NRXN3: variants seen among roughly 807,000 people sequenced by gnomAD.
The protein encoded by NRXN3 is neurexin III.
A neutral mutation model predicts 137.6 loss-of-function variants in NRXN3; 32 were observed. The ratio of observed to expected loss-of-function variants is 0.23; its 90% CI spans 0.18 to 0.31. The LOEUF (loss-of-function observed/expected upper bound fraction) is 0.31. NRXN3 is among the 10% of genes least tolerant of loss of function. The probability of loss-of-function intolerance (pLI) is 1.00; values close to 1 mark genes in which losing one functional copy is unlikely to be tolerated. For synonymous variants in NRXN3, 798 were observed against 784.5 expected, an observed-to-expected ratio of 1.02 and a Z score of -0.29; for missense variants, 1,574 against 2,062.5, an observed-to-expected ratio of 0.76 and a Z score of 4.59.
In NRXN3 at chr14:79,167,068, G is replaced by T. The variant is rs528892576; in HGVS notation, c.3262+178927G>T. ...TGCTGAAATTACTTTTTCAGCACTA[G>T]ATTATTACATTTTTATGACAATTTG... On this transcript the variant is annotated intron_variant, in intron 15 of 20. Coordinates refer to ENST00000335750, the MANE Select transcript of NRXN3 (RefSeq NM_001330195.2). Among the ~76,000 whole-genome samples, 28 of 152,014 alleles carry T rather than the reference G, an allele frequency of 1.8e-4. No homozygotes were observed. In the South Asian group the frequency reaches 3.1e-3, roughly 17 times the overall value.
At chr14:79,162,129 C>G (rs139286592) in intron 15 of NRXN3, among the ~76,000 whole-genome samples, 4,280 of 147,582 alleles carry the variant, frequency 0.029, 138 homozygotes, top group East Asian at 0.14. Flanking sequence ...TTGTGGTTAG[C>G]TTTTCTTTTT....
rs74064323 is a variant in NRXN3, at chr14:78,616,039, C to T, written c.758-29081C>T. ...CTACTGTCACTATCCAAGTCCGTGC[C>T]GCCATCACTCATCACCTGCATAACT... On this transcript the variant is annotated intron_variant, in intron 4 of 20. Coordinates refer to ENST00000335750, the MANE Select transcript of NRXN3 (RefSeq NM_001330195.2). 4.6e-3 allele frequency among the ~76,000 whole-genome samples: 697 copies of T among 152,280 alleles called. 3 individuals carry two copies. Among genetic ancestry groups the T allele is most frequent in the African/African-American group, 0.016 (650 of 41,560 alleles).
At chr14:79,487,648 A>G (rs533487928) in intron 16 of NRXN3, among the ~76,000 whole-genome samples, 79 of 146,232 alleles carry the variant, frequency 5.4e-4, no homozygotes, top group African/African-American at 2.0e-3. Flanking sequence ...GGATAATGGC[A>G]GCTGCAGGGT....
chr14:79,498,167 G>A (rs954027823), intron 16 of NRXN3, among the ~76,000 whole-genome samples: 2 of 152,070 alleles, frequency 1.3e-5, no homozygotes, highest in Non-Finnish European at 2.9e-5. Flanking sequence ...ATGAGCATGC[G>A]TTCTATGAGA....
chr14:79,604,216 G>T (rs895636433), intron 16 of NRXN3, among the ~76,000 whole-genome samples: 2 of 151,302 alleles, frequency 1.3e-5, no homozygotes, highest in African/African-American at 4.8e-5. Flanking sequence ...TCTAATTGGG[G>T]TTTTTCTTTG....
In NRXN3 at chr14:79,259,595, A is replaced by G. The variant is rs563000390; in HGVS notation, c.3263-207626A>G. On this transcript the variant is annotated intron_variant, in intron 15 of 20. Transcript: ENST00000335750. ...TCTATATATAGCTATATATAGAGTTATATATATATAGCTATATATATGGTT... is the reference window on the plus strand; with the variant it reads ...TCTATATATAGCTATATATAGAGTTGTATATATATAGCTATATATATGGTT... Among the ~76,000 whole-genome samples, 111 of 147,698 alleles carry G rather than the reference A, an allele frequency of 7.5e-4. 2 individuals are homozygous for G. The highest frequency in any genetic ancestry group is 1.3e-3 in the Non-Finnish European group (89 of 67,154).
intron 15 of NRXN3, among the ~76,000 whole-genome samples, chr14:79,253,232 A>C (rs2076161152): frequency 6.6e-6 from 1 of 152,192 alleles, no homozygotes; most frequent in Admixed American, 6.5e-5. Flanking sequence ...TCTGTGGGAA[A>C]GGGCTCTGAA....
intron 4 of NRXN3, among the ~76,000 whole-genome samples, chr14:78,360,060 T>C (rs2084896353): frequency 6.6e-6 from 1 of 152,164 alleles, no homozygotes; most frequent in Admixed American, 6.5e-5. Flanking sequence ...CTCCATGTCG[T>C]CATAACCATT....
chr14:79,169,859 A>G (rs1596746186), intron 15 of NRXN3, among the ~76,000 whole-genome samples: 2 of 152,122 alleles, frequency 1.3e-5, no homozygotes, highest in Admixed American at 1.3e-4. Context: ...TGCCTAGGGC[A>G]CACCAAACCA....
chr14:79,413,883 CA>C (rs372803175), intron 15 of NRXN3, among the ~76,000 whole-genome samples: 19 of 76,318 alleles, frequency 2.5e-4, no homozygotes, highest in Admixed American at 1.3e-3. Context: ...ATGTGGTTCT[CA>C]AAAAAAAAAA....
At chr14:78,988,763 G>GTATATATA (rs10658037) in intron 15 of NRXN3, among the ~76,000 whole-genome samples, 6 of 145,132 alleles carry the variant, frequency 4.1e-5, no homozygotes, top group African/African-American at 1.7e-4. Flanking sequence ...ATGTATGTGT[G>GTATATATA]TATATATATG....
intron 15 of NRXN3, among the ~76,000 whole-genome samples, chr14:79,159,243 G>T (rs141928825): frequency 6.6e-6 from 1 of 151,666 alleles, no homozygotes; most frequent in East Asian, 2.0e-4. Context: ...CTTTGATTGT[G>T]CTTTGTTTTT....
intron 16 of NRXN3, among the ~76,000 whole-genome samples, chr14:79,643,561 C>T (rs1283217760): frequency 7.4e-6 from 1 of 135,328 alleles, no homozygotes; most frequent in Non-Finnish European, 1.7e-5. Context: ...CTTAATACAA[C>T]ATTGAAAGCC....
chr14:79,487,496 A>G (rs528081873), intron 16 of NRXN3, among the ~76,000 whole-genome samples: 1 of 152,238 alleles, frequency 6.6e-6, no homozygotes, highest in South Asian at 2.1e-4. Flanking sequence ...TCCTTTCAAG[A>G]TGAAAATTGT....
chr14:78,763,801 A>G (rs555489407), intron 8 of NRXN3, among the ~76,000 whole-genome samples: 1 of 152,278 alleles, frequency 6.6e-6, no homozygotes, highest in East Asian at 1.9e-4. Flanking sequence ...AATACCACCT[A>G]CCTGGAGTAA....
intron 4 of NRXN3, among the ~76,000 whole-genome samples, chr14:78,329,422 A>G (rs189493639): frequency 3.1e-4 from 47 of 152,176 alleles, no homozygotes; most frequent in South Asian, 1.5e-3. Context: ...TCATGATTAC[A>G]TCATGTGTAA....
chr14:78,871,203 G>A (rs1225482092), intron 10 of NRXN3, among the ~76,000 whole-genome samples: 1 of 150,786 alleles, frequency 6.6e-6, no homozygotes, highest in East Asian at 1.9e-4. Context: ...CTCTTTTTCC[G>A]TATCCTCATC....
chr14:78,282,965 G>A (rs1447426688), intron 3 of NRXN3: 1 of 152,204 alleles, frequency 6.6e-6, no homozygotes, highest in Non-Finnish European at 1.5e-5. Context: ...AGGACCTCTA[G>A]GTGTATACTC....
chr14:79,836,745 C>T lies in NRXN3; in HGVS notation c.4094-24597C>T, dbSNP rs1394100956. ...AGCAGTAACAGACAGCTGTGCCCAG[C>T]ACTTTCTTCTAAAAGTTGGAGATGC... is the stretch of plus-strand genomic sequence containing the variant. On this transcript the variant is annotated intron_variant, in intron 20 of 20. Coordinates refer to ENST00000335750, the MANE Select transcript of NRXN3 (RefSeq NM_001330195.2). 7.2e-5 allele frequency among the ~76,000 whole-genome samples: 11 copies of T among 152,274 alleles called. No homozygotes were observed. In the East Asian group the frequency reaches 2.1e-3, roughly 29 times the overall value.
Sources: allele counts gnomAD v4.1 joint callset (sites outside exome capture counted in the v4.1 genomes callset), GRCh38; gene constraint gnomAD v4.1.1; transcripts MANE v1.5; gene names NCBI Gene and HGNC (gene_info 2026-07-23, HGNC 2026-07-21).